Variants in CSTPP1 observed in about 807,000 individuals in gnomAD.
The protein encoded by CSTPP1 is UPF0705 protein C11orf49.
chr11:47,158,629 G>T, the CSTPP1 span, among the ~76,000 whole-genome samples: 65 of 152,172 alleles, frequency 4.3e-4, no homozygotes, highest in East Asian at 0.012. Context: ...TCGACCTCCC[G>T]GGCTCAAGTG....
the CSTPP1 span, among the ~76,000 whole-genome samples, chr11:46,985,998 C>T: frequency 2.0e-5 from 3 of 152,146 alleles, no homozygotes; most frequent in African/African-American, 7.2e-5. Context: ...AATTACTGGG[C>T]TGTAGTAAAA....
the CSTPP1 span, among the ~76,000 whole-genome samples, chr11:47,020,541 TG>T: frequency 2.6e-5 from 4 of 152,160 alleles, no homozygotes; most frequent in African/African-American, 9.6e-5. Context: ...TTTATTGCAG[TG>T]GATAGGAGCT....
At chr11:47,004,674 C>T in the CSTPP1 span, among the ~76,000 whole-genome samples, 4 of 152,100 alleles carry the variant, frequency 2.6e-5, no homozygotes, top group African/African-American at 4.8e-5. Flanking sequence ...GTCTTTACCC[C>T]CTTTCCTCTA....
chr11:47,103,218 T>G, the CSTPP1 span, among the ~76,000 whole-genome samples: 1 of 151,862 alleles, frequency 6.6e-6, no homozygotes, highest in Non-Finnish European at 1.5e-5. Context: ...GGCAACATAG[T>G]GAGACCTCAT....
chr11:47,140,976 C>CT, the CSTPP1 span, among the ~76,000 whole-genome samples: 1 of 152,084 alleles, frequency 6.6e-6, no homozygotes, highest in East Asian at 2.0e-4. Context: ...TGGCGGGTGC[C>CT]TGTAGTACCA....
At chr11:47,071,963 A>T in the CSTPP1 span, among the ~76,000 whole-genome samples, 1 of 152,252 alleles carries the variant, frequency 6.6e-6, no homozygotes, top group African/African-American at 2.4e-5. Context: ...AGCAGTGAGG[A>T]AGAAATCCCC....
At chr11:47,026,345 C>T in the CSTPP1 span, among the ~76,000 whole-genome samples, 2 of 152,166 alleles carry the variant, frequency 1.3e-5, no homozygotes, top group African/African-American at 4.8e-5. Context: ...CTCCTGGAAG[C>T]TCTGTTATAA....
chr11:47,019,863 G>A, the CSTPP1 span, among the ~76,000 whole-genome samples: 2 of 152,130 alleles, frequency 1.3e-5, no homozygotes, highest in African/African-American at 4.8e-5. Flanking sequence ...TTCAAAAAAT[G>A]CAATATCTAC....
chr11:47,039,030 C>G, the CSTPP1 span, among the ~76,000 whole-genome samples: 16 of 121,992 alleles, frequency 1.3e-4, 4 homozygotes, highest in South Asian at 2.4e-3. Flanking sequence ...GGATGGCGGC[C>G]GGGCAGAGAC....
chr11:47,155,337 G>A, the CSTPP1 span: 2 of 1,295,154 alleles, frequency 1.5e-6, no homozygotes, highest in South Asian at 1.2e-5. Flanking sequence ...CTGCCCATCT[G>A]TGTGCCTGGC....
At chr11:47,028,021 T>G in the CSTPP1 span, among the ~76,000 whole-genome samples, 1 of 151,862 alleles carries the variant, frequency 6.6e-6, no homozygotes, top group Non-Finnish European at 1.5e-5. Flanking sequence ...CCTCCTGGGT[T>G]CACGCCATTC....
the CSTPP1 span, among the ~76,000 whole-genome samples, chr11:47,132,135 G>A: frequency 6.6e-6 from 1 of 152,190 alleles, no homozygotes; most frequent in Non-Finnish European, 1.5e-5. Flanking sequence ...GCACGTAGGG[G>A]ATTTTCCTTT....
the CSTPP1 span, among the ~76,000 whole-genome samples, chr11:47,059,041 A>G: frequency 6.6e-6 from 1 of 152,254 alleles, no homozygotes; most frequent in Non-Finnish European, 1.5e-5. Context: ...TGTCCTTTGC[A>G]GGGACATGGA....
At chr11:47,095,078 G>C in the CSTPP1 span, among the ~76,000 whole-genome samples, 1 of 152,142 alleles carries the variant, frequency 6.6e-6, no homozygotes, top group South Asian at 2.1e-4. Context: ...AAATTTCTGA[G>C]GGGAAATGGC....
At chr11:47,149,251 C>T in the CSTPP1 span, among the ~76,000 whole-genome samples, 1 of 152,202 alleles carries the variant, frequency 6.6e-6, no homozygotes, top group Admixed American at 6.5e-5. Flanking sequence ...CTCCATGATC[C>T]AATAGATTTG....
the CSTPP1 span, among the ~76,000 whole-genome samples, chr11:47,079,702 G>GT: frequency 6.6e-6 from 1 of 152,064 alleles, no homozygotes; most frequent in Non-Finnish European, 1.5e-5. Context: ...TGTCTAAACT[G>GT]TTTTTTAACA....
chr11:47,029,131 C>A, the CSTPP1 span, among the ~76,000 whole-genome samples: 1 of 152,098 alleles, frequency 6.6e-6, no homozygotes, highest in African/African-American at 2.4e-5. Context: ...AAGTGTGAGC[C>A]ACTGCACCCA....
the CSTPP1 span, among the ~76,000 whole-genome samples, chr11:46,966,034 G>A: frequency 1.3e-5 from 2 of 152,084 alleles, no homozygotes. Flanking sequence ...GATCTTATCA[G>A]AAAAGTCTTT....
chr11:46,973,654 T>C, the CSTPP1 span, among the ~76,000 whole-genome samples: 1 of 152,152 alleles, frequency 6.6e-6, no homozygotes, highest in Non-Finnish European at 1.5e-5. Flanking sequence ...TTCTAGAAAA[T>C]CCACACAGTA....
Sources: gnomAD v4.1 joint callset for allele counts (sites outside exome capture counted in the v4.1 genomes callset) on GRCh38, gnomAD v4.1.1 for gene constraint, MANE v1.5 for transcripts, NCBI Gene and HGNC (gene_info 2026-07-23, HGNC 2026-07-21) for gene names.